Variants in IGSF21 observed in about 807,000 individuals in gnomAD.
IGSF21 encodes the protein immunoglobin superfamily member 21.
IGSF21 carries 28 observed loss-of-function variants against 46.8 expected under a neutral mutation model. The ratio of observed to expected loss-of-function variants is 0.60; its 90% CI spans 0.44 to 0.82. The LOEUF (loss-of-function observed/expected upper bound fraction) is 0.82. IGSF21 is among the 40% of genes least tolerant of loss of function. The pLI is 0.00. For missense variants in IGSF21, 624 were observed against 665.5 expected (o/e 0.94, Z 0.69); for synonymous variants, 284 against 273.6 (o/e 1.04, Z -0.38).
At chr1:18,252,500 C>T (rs182581145) in intron 2 of IGSF21, among the ~76,000 whole-genome samples, 51 of 152,316 alleles carry the variant, frequency 3.3e-4, no homozygotes, top group Admixed American at 3.3e-3. Flanking sequence ...CAGAGGCAGT[C>T]GACATCTAAG....
At chr1:18,236,890 C>T (rs2084678031) in intron 2 of IGSF21, among the ~76,000 whole-genome samples, 1 of 152,168 alleles carries the variant, frequency 6.6e-6, no homozygotes, top group Admixed American at 6.5e-5. Context: ...TGGGCAAGGG[C>T]AGATTCCTTG....
intron 1 of IGSF21, among the ~76,000 whole-genome samples, chr1:18,224,901 C>T (rs2356002): frequency 0.1 from 15,464 of 151,792 alleles, 974 homozygotes; most frequent in East Asian, 0.14. Flanking sequence ...CCCATCTCTA[C>T]TAAAAATACA....
At chr1:18,218,490 T>G (rs916592611) in intron 1 of IGSF21, among the ~76,000 whole-genome samples, 15 of 152,380 alleles carry the variant, frequency 9.8e-5, no homozygotes, top group Middle Eastern at 3.4e-3. Context: ...AAGCCTCATT[T>G]CATCTTTCAC....
intron 1 of IGSF21, among the ~76,000 whole-genome samples, chr1:18,116,426 CAT>C (rs1444668297): frequency 6.6e-6 from 1 of 152,228 alleles, no homozygotes; most frequent in Non-Finnish European, 1.5e-5. Flanking sequence ...CTGTCTGAGT[CAT>C]AGTTTCCCTG....
At chr1:18,357,630 T>C (rs1033837776) in intron 4 of IGSF21, among the ~76,000 whole-genome samples, 2 of 152,102 alleles carry the variant, frequency 1.3e-5, no homozygotes, top group African/African-American at 4.8e-5. Context: ...AGGAATGCCG[T>C]ACTTGGTCAA....
At chr1:18,213,587 C>T (rs1432644228) in intron 1 of IGSF21, among the ~76,000 whole-genome samples, 1 of 152,132 alleles carries the variant, frequency 6.6e-6, no homozygotes, top group Non-Finnish European at 1.5e-5. Flanking sequence ...CATGGCCCTG[C>T]CAAACTGCAA....
rs1300770842 is a variant in IGSF21, at chr1:18,335,874, T to A, written c.424+864T>A. ...GATTCCTGCAGCACACCCGTGGTGG[T>A]TCTGGCTTCCCGATGGAGCCACAAT... On this transcript the variant is annotated intron_variant, in intron 4 of 9. Transcript: ENST00000251296. The surrounding 1 kb of genome is among the most constrained non-coding windows in gnomAD (Gnocchi z 4.8). 1.3e-5 allele frequency among the ~76,000 whole-genome samples: 2 copies of A among 152,190 alleles called. No homozygotes were observed. Among genetic ancestry groups the A allele is most frequent in the African/African-American group, 4.8e-5 (2 of 41,462 alleles).
At chr1:18,203,050 C>T (rs539890521) in intron 1 of IGSF21, among the ~76,000 whole-genome samples, 2 of 152,142 alleles carry the variant, frequency 1.3e-5, no homozygotes, top group African/African-American at 4.8e-5. Context: ...CTGGGTAACA[C>T]TGGGATTTGC....
At position 18,362,191 on chromosome 1, in the gene IGSF21, G is replaced by C. The variant is rs143067952; in HGVS notation, c.501G>C (p.Thr167=). 8.7e-6 allele frequency: 14 copies of C among 1,613,138 alleles called. 1 individual carries two copies. The South Asian group carries it at 1.4e-4, about 17-fold the overall frequency. ...GCCGCTACCAAGCCCAGAACTTCAC[G>C]CTGGTCTGCATCGTGTCTGGAGGAA... ...PFSRYQAQNF[T]LVCIVSGGKP... The change falls in exon 5 of 10, where the codon ACG becomes ACC. Residue 167 remains threonine, a synonymous_variant. Coordinates refer to ENST00000251296, the MANE Select transcript of IGSF21 (RefSeq NM_032880.5).
At chr1:18,357,978 C>T (rs2086039368) in intron 4 of IGSF21, among the ~76,000 whole-genome samples, 1 of 152,148 alleles carries the variant, frequency 6.6e-6, no homozygotes, top group East Asian at 1.9e-4. Flanking sequence ...GATGGAAACA[C>T]AGCTCCAGTC....
At chr1:18,238,722 G>C (rs74972700) in intron 2 of IGSF21, among the ~76,000 whole-genome samples, 3 of 152,088 alleles carry the variant, frequency 2.0e-5, no homozygotes, top group South Asian at 2.1e-4. Context: ...CACTGCATGG[G>C]TGAGAAAGAC....
intron 3 of IGSF21, among the ~76,000 whole-genome samples, chr1:18,295,242 C>A (rs976589125): frequency 1.3e-5 from 2 of 152,122 alleles, no homozygotes; most frequent in Non-Finnish European, 2.9e-5. Flanking sequence ...GTCCCAGAGG[C>A]ACATCTATCA....
intron 1 of IGSF21, among the ~76,000 whole-genome samples, chr1:18,200,187 A>T (rs528200512): frequency 1.1e-3 from 172 of 152,288 alleles, no homozygotes; most frequent in African/African-American, 4.0e-3. Context: ...CATCTTGGTC[A>T]CCTCGGTTAT....
chr1:18,378,218 T>A, intron 9 of IGSF21, 38 bp from the exon 10 acceptor site: 2 of 1,577,078 alleles, frequency 1.3e-6, no homozygotes, highest in Non-Finnish European at 1.7e-6. Flanking sequence ...CGGGGTTGGG[T>A]CTGCAGGCTC....
At chr1:18,292,010 C>T (rs749215337) in intron 3 of IGSF21, 23 bp downstream of exon 3, 2 of 1,609,104 alleles carry the variant, frequency 1.2e-6, no homozygotes, top group Non-Finnish European at 1.7e-6. Context: ...GGGTGGCGGG[C>T]CGACAGCGGG....
At chr1:18,120,131 C>G (rs1043222446) in intron 1 of IGSF21, among the ~76,000 whole-genome samples, 10 of 152,240 alleles carry the variant, frequency 6.6e-5, no homozygotes, top group African/African-American at 2.2e-4. Context: ...CTGAGGAGGA[C>G]TTGTTCAAGG....
chr1:18,343,512 C>T (rs923829376), intron 4 of IGSF21, among the ~76,000 whole-genome samples: 1 of 152,156 alleles, frequency 6.6e-6, no homozygotes, highest in Non-Finnish European at 1.5e-5. Flanking sequence ...TTTAAGGAGG[C>T]TTTGCCTAAC....
intron 1 of IGSF21, among the ~76,000 whole-genome samples, chr1:18,148,622 AG>A (rs1313880501): frequency 6.6e-6 from 1 of 152,190 alleles, no homozygotes. Flanking sequence ...GGCAGCAGCC[AG>A]GTCTCTTTTG....
intron 2 of IGSF21, among the ~76,000 whole-genome samples, chr1:18,232,157 T>G (rs1273553280): frequency 6.7e-6 from 1 of 149,456 alleles, no homozygotes; most frequent in East Asian, 2.0e-4. Flanking sequence ...ATCTCCCAGA[T>G]TTGAGTGTCC....
Sources: allele counts gnomAD v4.1 joint callset (sites outside exome capture counted in the v4.1 genomes callset), GRCh38; gene constraint gnomAD v4.1.1; non-coding constraint Gnocchi (gnomAD v3.1); transcripts MANE v1.5; gene names NCBI Gene and HGNC (gene_info 2026-07-23, HGNC 2026-07-21).